Variants in NTRK1 observed in about 807,000 individuals in gnomAD.
NTRK1 encodes the protein neurotrophic receptor tyrosine kinase 1.
NTRK1 carries 62 observed loss-of-function variants against 86.8 expected under a neutral mutation model. That is an observed-to-expected ratio of 0.71 (90% CI 0.58 to 0.88). The LOEUF is 0.88. Ranked by LOEUF, NTRK1 falls within the 40% of genes least tolerant of loss-of-function variation. NTRK1 has a pLI of 0.00. For missense variants in NTRK1, 967 were observed against 1,078.4 expected (o/e 0.90, Z 1.45); for synonymous variants, 469 against 456.6 (o/e 1.03, Z -0.35).
At chr1:156,826,012 T>G (rs1399277057) in intron 1 of NTRK1, among the ~76,000 whole-genome samples, 2 of 152,102 alleles carry the variant, frequency 1.3e-5, no homozygotes, top group South Asian at 4.1e-4. Flanking sequence ...TGGTTTCAGA[T>G]TTTGGGATCT....
chr1:156,845,634 G>A, intron 2 of NTRK1: 2 of 1,607,490 alleles, frequency 1.2e-6, no homozygotes, highest in Non-Finnish European at 1.7e-6. Flanking sequence ...GATGGTGATC[G>A]CGTTGTGTAG....
At position 156,868,641 on chromosome 1, in the gene NTRK1, G is replaced by C. The variant is rs537430475; in HGVS notation, c.711G>C (p.Thr237=). ...WILTELEQSA[T]VMKSGGLPSL... is the part of the protein sequence containing the mutation. ...TCACAGAGCTGGAGCAGTCAGCCAC[G>C]GTGATGGTGAGAAGACCTTCGCTGG... Residue 237 remains threonine, a synonymous_variant, in exon 6 of 17, where the codon ACG becomes ACC. Coordinates refer to ENST00000524377, the MANE Select transcript of NTRK1 (RefSeq NM_002529.4). 1 of 1,550,780 alleles carries C rather than the reference G, an allele frequency of 6.4e-7. No homozygotes were observed. Among genetic ancestry groups the C allele is most frequent in the Non-Finnish European group, 8.7e-7 (1 of 1,146,992 alleles).
intron 3 of NTRK1, among the ~76,000 whole-genome samples, chr1:156,865,240 C>G (rs1032011315): frequency 2.6e-5 from 4 of 152,186 alleles, no homozygotes; most frequent in Non-Finnish European, 4.4e-5. Flanking sequence ...GGAGTCATAA[C>G]TATCCCTCCT....
chr1:156,857,050 T>C (rs1459076665), upstream of NTRK1, among the ~76,000 whole-genome samples: 3 of 152,020 alleles, frequency 2.0e-5, no homozygotes, highest in Non-Finnish European at 4.4e-5. Flanking sequence ...GCCCCATTCC[T>C]GATAGTTTGT....
rs190995746 is a variant in NTRK1, at chr1:156,839,437, T to G, written c.-63-2644T>G. On this transcript the variant is annotated intron_variant, in intron 1 of 16. Transcript: ENST00000392302. ...TCGTCAAGGTTTGAAGTCATTCTTT[T>G]GCAACCCTTCCCTTTCAAATGCCCT... Among the ~76,000 whole-genome samples the G allele has an allele frequency of 1.2e-4, 19 of 152,384 alleles. No homozygotes were observed. The East Asian group carries it at 3.3e-3, about 26-fold the overall frequency.
At chr1:156,864,565 A>C in intron 2 of NTRK1, 137 bp downstream of exon 2, 1 of 1,154,170 alleles carries the variant, frequency 8.7e-7, no homozygotes, top group Non-Finnish European at 1.3e-6. Flanking sequence ...GAAGTCAGGA[A>C]GCTCAGGGCT....
chr1:156,817,798 A>G (rs1194230478), intron 1 of NTRK1, among the ~76,000 whole-genome samples: 1 of 152,024 alleles, frequency 6.6e-6, no homozygotes, highest in African/African-American at 2.4e-5. Context: ...TTGTACCACC[A>G]TGCCTGGCTA....
rs1488341681 is a variant in NTRK1 at position 156,851,683 on chromosome 1, A to T, written c.50+9490A>T. On this transcript the variant is annotated intron_variant, in intron 2 of 16. Coordinates refer to the NTRK1 transcript ENST00000392302. ...GGTTGAGGATGAGGCTTCCCTCCAC[A>T]TGCGTGCAGCCCACAAGATCCTGTG... is the stretch of plus-strand genomic sequence containing the variant. 4 of 1,614,202 alleles carry T rather than the reference A, an allele frequency of 2.5e-6. No individual in the cohort carries two copies. In the Admixed American group the frequency reaches 6.7e-5, roughly 27 times the overall value.
rs1284512341 is a variant in NTRK1 at position 156,844,908 on chromosome 1, A to G, written c.50+2715A>G. ...TCATCTCACCTTATGTTCAAACCCA[A>G]GCTAAACTGGGCTGAGCTGGGAGGT... On this transcript the variant is annotated intron_variant, in intron 2 of 16. Coordinates refer to the NTRK1 transcript ENST00000392302. 55 of 1,601,238 alleles carry G rather than the reference A, an allele frequency of 3.4e-5. No individual in the cohort carries two copies. In the Admixed American group the frequency reaches 9.3e-4, roughly 27 times the overall value.
At position 156,842,341 on chromosome 1, in the gene NTRK1, A is replaced by G. The variant is rs1571656351; in HGVS notation, c.50+148A>G. On this transcript the variant is annotated intron_variant, in intron 2 of 16. Transcript: ENST00000392302. ...GGTCTCCTGTCCAGAACTGGCCCCC[A>G]CCTCCCACACTGTGCCCAACCCTTC... 6.8e-6 allele frequency: 11 copies of G among 1,611,252 alleles called. 1 individual carries two copies. The South Asian group carries it at 1.1e-4, about 16-fold the overall frequency.
chr1:156,862,348 GAGAGAC>G (rs1322897119), intron 1 of NTRK1, among the ~76,000 whole-genome samples: 1 of 152,138 alleles, frequency 6.6e-6, no homozygotes, highest in African/African-American at 2.4e-5. Context: ...GAGGGGGCAT[GAGAGAC>G]AGGTTGCCAG....
intron 2 of NTRK1, among the ~76,000 whole-genome samples, chr1:156,847,280 C>T (rs566727630): frequency 2.6e-5 from 4 of 152,308 alleles, no homozygotes; most frequent in Admixed American, 6.5e-5. Context: ...GCTTCTCAAA[C>T]ATGTCCATGA....
chr1:156,871,481 C>T lies in NTRK1; in HGVS notation c.718-142C>T, dbSNP rs544133554. ...GGAAGGCCATTATCTGCTACATTCT[C>T]TCCCACCCCTCTCTCCCTTCTCTTC... On this transcript the variant is annotated intron_variant, in intron 6 of 16. Coordinates refer to ENST00000524377, the MANE Select transcript of NTRK1 (RefSeq NM_002529.4). The T allele has an allele frequency of 2.0e-4, 162 of 816,082 alleles. No homozygotes were observed. The Admixed American group carries it at 3.6e-3, about 18-fold the overall frequency. 50.6% of individuals were successfully genotyped at this position (816,082 alleles called of 1,614,324 possible).
At chr1:156,825,135 C>T (rs1271201523) in intron 1 of NTRK1, among the ~76,000 whole-genome samples, 6 of 152,086 alleles carry the variant, frequency 3.9e-5, no homozygotes, top group African/African-American at 7.2e-5. Flanking sequence ...GTGATCCGCC[C>T]GCCTCAGCCT....
chr1:156,879,176 C>T lies in NTRK1; in HGVS notation c.1860C>T (p.Gly620=), dbSNP rs6338. ...LLAGGEDVAP[G]PLGLGQLLAV... ...CTGGTGGGGAGGATGTGGCTCCAGGCCCCCTGGGTCTGGGGCAGCTGCTGG... is the reference window on the plus strand; with the variant it reads ...CTGGTGGGGAGGATGTGGCTCCAGGTCCCCTGGGTCTGGGGCAGCTGCTGG... Residue 620 remains glycine (G), a synonymous_variant, in exon 15 of 17, where the codon GGC becomes GGT. Coordinates refer to ENST00000524377, the MANE Select transcript of NTRK1 (RefSeq NM_002529.4). 8.7e-3 allele frequency: 14,007 copies of T among 1,613,056 alleles called. 480 individuals carry two copies. In the African/African-American group the frequency reaches 0.11, roughly 13 times the overall value.
intron 6 of NTRK1, among the ~76,000 whole-genome samples, 161 bp from the exon 7 acceptor site, chr1:156,871,462 C>T (rs1342534059): frequency 6.6e-6 from 1 of 152,178 alleles, no homozygotes; most frequent in Non-Finnish European, 1.5e-5. Context: ...AGGAGGAAGG[C>T]CATTATCTGC....
upstream of NTRK1, among the ~76,000 whole-genome samples, chr1:156,857,163 ATGTGTG>A (rs57324546): frequency 0.055 from 7,138 of 130,502 alleles, 118 homozygotes; most frequent in South Asian, 0.059. Flanking sequence ...GCAGCTGTGT[ATGTGTG>A]TGTGTGTGTG....
At chr1:156,816,145 G>A in intron 1 of NTRK1, 7 of 1,561,284 alleles carry the variant, frequency 4.5e-6, no homozygotes, top group Non-Finnish European at 6.1e-6. Context: ...AACTATGTCT[G>A]TCTCTGCCTC....
chr1:156,861,942 C>T (rs1390903202), intron 1 of NTRK1, among the ~76,000 whole-genome samples: 1 of 152,186 alleles, frequency 6.6e-6, no homozygotes, highest in Non-Finnish European at 1.5e-5. Context: ...GCTGGTGAAA[C>T]CTATGGGAGT....
Sources: allele counts gnomAD v4.1 joint callset (sites outside exome capture counted in the v4.1 genomes callset), GRCh38; gene constraint gnomAD v4.1.1; transcripts MANE v1.5; gene names NCBI Gene and HGNC (gene_info 2026-07-23, HGNC 2026-07-21).